Variants in ADCY5 observed in about 807,000 individuals in gnomAD.
ADCY5 encodes the protein adenylate cyclase 5, also known as adenylate cyclase type 5.
In ADCY5, 30 loss-of-function variants were observed where a neutral mutation model predicts 119.7. The observed-to-expected ratio is 0.25, with a 90% CI of 0.19 to 0.34. The LOEUF is 0.34. Among genes scored for constraint, ADCY5 ranks in the 10% least tolerant of loss-of-function variants. ADCY5 has a pLI of 1.00. For synonymous variants in ADCY5, 753 were observed against 762.2 expected, an observed-to-expected ratio of 0.99 and a Z score of 0.20; for missense variants, 1,324 against 1,775.2, an observed-to-expected ratio of 0.75 and a Z score of 4.57.
intron 1 of ADCY5, among the ~76,000 whole-genome samples, chr3:123,424,290 C>A (rs1945357397): frequency 6.6e-6 from 1 of 152,246 alleles, no homozygotes; most frequent in African/African-American, 2.4e-5. Flanking sequence ...CAGACCCAAG[C>A]CTGCTCCTTT....
chr3:123,434,183 T>C (rs1172721982), intron 1 of ADCY5, among the ~76,000 whole-genome samples: 2 of 152,230 alleles, frequency 1.3e-5, no homozygotes, highest in African/African-American at 2.4e-5. Flanking sequence ...GTCAGAGATC[T>C]GAATTTGTAC....
At chr3:123,321,388 T>G (rs1941210180) in intron 8 of ADCY5, among the ~76,000 whole-genome samples, 1 of 152,206 alleles carries the variant, frequency 6.6e-6, no homozygotes, top group South Asian at 2.1e-4. Flanking sequence ...CAGATCTGAC[T>G]GCTGTTCTAT....
At chr3:123,329,763 A>C (rs578108084) in intron 5 of ADCY5, among the ~76,000 whole-genome samples, 27 of 152,172 alleles carry the variant, frequency 1.8e-4, no homozygotes, top group African/African-American at 6.5e-4. Context: ...AGAGGCTGAC[A>C]CCCACTGCAG....
intron 8 of ADCY5, among the ~76,000 whole-genome samples, chr3:123,325,110 A>C (rs1224561980): frequency 6.6e-6 from 1 of 152,208 alleles, no homozygotes; most frequent in Non-Finnish European, 1.5e-5. Flanking sequence ...CCAAAGCCTA[A>C]TGAGGCATGC....
intron 1 of ADCY5, among the ~76,000 whole-genome samples, chr3:123,445,789 A>C (rs1945802285): frequency 6.6e-6 from 1 of 152,108 alleles, no homozygotes; most frequent in Non-Finnish European, 1.5e-5. Flanking sequence ...AATCCCTACT[A>C]AGTATTCTGC....
intron 1 of ADCY5, chr3:123,367,923 C>T (rs1165523927): frequency 3.3e-6 from 5 of 1,535,690 alleles, no homozygotes; most frequent in Non-Finnish European, 1.7e-6. Flanking sequence ...GAGTGCGGAA[C>T]CTAGATGGGG....
chr3:123,316,854 T>C (rs1940936282), intron 11 of ADCY5, among the ~76,000 whole-genome samples: 2 of 152,268 alleles, frequency 1.3e-5, no homozygotes, highest in East Asian at 3.9e-4. Flanking sequence ...GGGGTAAATG[T>C]CTTTGTCTAA....
intron 1 of ADCY5, among the ~76,000 whole-genome samples, chr3:123,442,451 G>C (rs1444411063): frequency 1.3e-5 from 2 of 152,222 alleles, no homozygotes; most frequent in African/African-American, 4.8e-5. Context: ...TCGGACAGAG[G>C]GACTCATGGC....
chr3:123,428,049 C>T (rs79823460), intron 1 of ADCY5, among the ~76,000 whole-genome samples: 11 of 152,220 alleles, frequency 7.2e-5, no homozygotes, highest in East Asian at 1.9e-4. Context: ...GGAGGATCAA[C>T]GGACAGGGAC....
At chr3:123,299,885 G>A (rs199987886) in intron 15 of ADCY5, among the ~76,000 whole-genome samples, 1 of 152,220 alleles carries the variant, frequency 6.6e-6, no homozygotes, top group Non-Finnish European at 1.5e-5. Context: ...CTGGCAAGCG[G>A]GGAGCAAACC....
intron 11 of ADCY5, among the ~76,000 whole-genome samples, chr3:123,315,104 C>T (rs1940840854): frequency 6.6e-6 from 1 of 152,172 alleles, no homozygotes; most frequent in Non-Finnish European, 1.5e-5. Context: ...AAGGGCTGGC[C>T]CAGGGACAAC....
chr3:123,416,563 G>A (rs1945189515), intron 1 of ADCY5, among the ~76,000 whole-genome samples: 1 of 152,174 alleles, frequency 6.6e-6, no homozygotes, highest in African/African-American at 2.4e-5. Context: ...TCATGCTGGG[G>A]ACAAGGCAGC....
At chr3:123,385,496 T>C (rs1944191548) in intron 1 of ADCY5, among the ~76,000 whole-genome samples, 1 of 152,166 alleles carries the variant, frequency 6.6e-6, no homozygotes, top group South Asian at 2.1e-4. Flanking sequence ...CCTAAAATCA[T>C]GACTCCTCTA....
intron 3 of ADCY5, among the ~76,000 whole-genome samples, chr3:123,338,532 C>T (rs561100249): frequency 3.2e-4 from 49 of 152,348 alleles, no homozygotes; most frequent in Non-Finnish European, 6.8e-4. Context: ...CATTTCCCAA[C>T]TCAGCGCTGG....
At chr3:123,347,104 G>A (rs192578383) in intron 3 of ADCY5, among the ~76,000 whole-genome samples, 1 of 152,188 alleles carries the variant, frequency 6.6e-6, no homozygotes. Context: ...AATCTAGAAT[G>A]CATTCCCCAC....
intron 1 of ADCY5, 107 bp downstream of exon 1, chr3:123,447,305 G>T: frequency 8.0e-7 from 1 of 1,255,094 alleles, no homozygotes; most frequent in South Asian, 1.6e-5. Flanking sequence ...CTGTCTCTCT[G>T]GCTCTTTTCA....
intron 12 of ADCY5, among the ~76,000 whole-genome samples, chr3:123,313,552 G>A (rs577155209): frequency 6.6e-6 from 1 of 152,314 alleles, no homozygotes; most frequent in East Asian, 1.9e-4. Flanking sequence ...GAAACTGAGG[G>A]AAAGGCCTGA....
At chr3:123,375,351 C>T (rs368847182) in intron 1 of ADCY5, among the ~76,000 whole-genome samples, 24 of 152,350 alleles carry the variant, frequency 1.6e-4, no homozygotes, top group African/African-American at 4.1e-4. Context: ...ATAAACCAGA[C>T]GCTAAGTTTT....
At chr3:123,296,047 T>C in intron 17 of ADCY5, 37 bp downstream of exon 17, 1 of 1,608,616 alleles carries the variant, frequency 6.2e-7, no homozygotes. Flanking sequence ...TGCTCCCAAA[T>C]GCCTCCCTCC....
Sources: allele counts gnomAD v4.1 joint callset (sites outside exome capture counted in the v4.1 genomes callset), GRCh38; gene constraint gnomAD v4.1.1; transcripts MANE v1.5; gene names NCBI Gene and HGNC (gene_info 2026-07-23, HGNC 2026-07-21).